RYR2: variants seen among roughly 807,000 people sequenced by gnomAD.
RYR2 encodes the protein cardiac muscle ryanodine receptor-calcium release channel.
RYR2 carries 227 observed loss-of-function variants against 601.1 expected under a neutral mutation model. That is an observed-to-expected ratio of 0.38 (90% CI 0.34 to 0.42). RYR2 has a LOEUF of 0.42. RYR2 is among the 10% of genes least tolerant of loss of function. The pLI is 1.00. For synonymous variants in RYR2, 2,223 were observed against 2,175.1 expected (o/e 1.02, Z -0.61); for missense variants, 4,646 against 6,156.5 (o/e 0.75, Z 8.21).
At position 237,102,639 on chromosome 1, in the gene RYR2, T is replaced by C. The variant is rs557360041; in HGVS notation, c.48+60070T>C. On this transcript the variant is annotated intron_variant, in intron 1 of 104. Transcript: ENST00000366574. ...GGGAGGCTGAGGAGTGTGGATCACT[T>C]GAGGTCAGGAGTTCGAGACCAGCCT... 1.9e-4 allele frequency among the ~76,000 whole-genome samples: 29 copies of C among 152,120 alleles called. No homozygotes were observed. In the South Asian group the frequency reaches 2.5e-3, roughly 13 times the overall value.
chr1:237,051,302 CTT>C (rs150694073), intron 1 of RYR2, among the ~76,000 whole-genome samples: 1 of 128,374 alleles, frequency 7.8e-6, no homozygotes, highest in African/African-American at 2.9e-5. Flanking sequence ...CTCTCTCTCT[CTT>C]TCTCTTTATC....
At chr1:237,733,140 A>G (rs929703920) in intron 78 of RYR2, among the ~76,000 whole-genome samples, 2 of 152,196 alleles carry the variant, frequency 1.3e-5, no homozygotes, top group Non-Finnish European at 2.9e-5. Flanking sequence ...CTCATGGCTG[A>G]AGTTTAAAAC....
chr1:237,220,613 C>T (rs1189270569), intron 1 of RYR2, among the ~76,000 whole-genome samples: 2 of 152,196 alleles, frequency 1.3e-5, no homozygotes, highest in Non-Finnish European at 2.9e-5. Flanking sequence ...CTGACTGATA[C>T]ACCTACGTTT....
chr1:237,732,182 A>G, intron 78 of RYR2, 33 bp downstream of exon 78: 1 of 1,340,650 alleles, frequency 7.5e-7, no homozygotes, highest in Non-Finnish European at 1.1e-6. Context: ...GAGACATAGG[A>G]GGAGCAAATA....
At chr1:237,773,262 G>C (rs1050109009) in intron 86 of RYR2, among the ~76,000 whole-genome samples, 36 of 152,146 alleles carry the variant, frequency 2.4e-4, no homozygotes, top group Non-Finnish European at 4.9e-4. Context: ...GAAGTTCAAG[G>C]TTATCAGACA....
chr1:237,594,917 T>TTTTTTTTTTTTTTTTTTTTTTTTTTTTG (rs1675707518), intron 33 of RYR2, among the ~76,000 whole-genome samples: 1 of 84,210 alleles, frequency 1.2e-5, no homozygotes, highest in African/African-American at 3.6e-5. Context: ...TTTTTTTTTT[T>TTTTTTTTTTTTTTTTTTTTTTTTTTTTG]TTTTTTTTTT....
chr1:237,623,574 A>G (rs1229000583), intron 38 of RYR2, among the ~76,000 whole-genome samples, 191 bp from the exon 39 acceptor site: 1 of 151,190 alleles, frequency 6.6e-6, no homozygotes, highest in East Asian at 1.9e-4. Context: ...TTGTATCTTT[A>G]GTAGAGATGG....
intron 46 of RYR2, among the ~76,000 whole-genome samples, chr1:237,640,607 A>G (rs1681367579): frequency 6.6e-6 from 1 of 152,122 alleles, no homozygotes; most frequent in Non-Finnish European, 1.5e-5. Flanking sequence ...ACTCACTACC[A>G]CTAGGAAGGA....
intron 12 of RYR2, among the ~76,000 whole-genome samples, chr1:237,431,595 C>T (rs1440193421): frequency 6.6e-6 from 1 of 152,080 alleles, no homozygotes; most frequent in East Asian, 1.9e-4. Context: ...GAATATTTAG[C>T]TTATTTTCAA....
At chr1:237,750,884 C>T (rs375909717) in intron 80 of RYR2, among the ~76,000 whole-genome samples, 5 of 152,172 alleles carry the variant, frequency 3.3e-5, no homozygotes, top group Non-Finnish European at 7.4e-5. Flanking sequence ...CCCAGCTAGA[C>T]AGATAATTCT....
rs187181714 is a variant in RYR2, at chr1:237,568,417, G to A, written c.3424-728G>A. ...AACTCAGGTGTGCTTATGAATCAACGGAATATACTTGTAGATGCAAAAGTC... is the reference window on the plus strand; with the variant it reads ...AACTCAGGTGTGCTTATGAATCAACAGAATATACTTGTAGATGCAAAAGTC... On this transcript the variant is annotated intron_variant, in intron 28 of 104. Coordinates refer to ENST00000366574, the MANE Select transcript of RYR2 (RefSeq NM_001035.3). Among the ~76,000 whole-genome samples the A allele has an allele frequency of 1.5e-4, 23 of 152,196 alleles. No homozygotes were observed. In the East Asian group the frequency reaches 2.9e-3, roughly 19 times the overall value.
chr1:237,167,864 C>A (rs1436502084), intron 1 of RYR2, among the ~76,000 whole-genome samples: 1 of 151,786 alleles, frequency 6.6e-6, no homozygotes, highest in Non-Finnish European at 1.5e-5. Flanking sequence ...GTAGCTGGGA[C>A]AATAGGCACA....
chr1:237,593,668 CAT>C (rs1210662777), intron 33 of RYR2, 32 bp downstream of exon 33: 27 of 1,608,946 alleles, frequency 1.7e-5, no homozygotes, highest in African/African-American at 8.0e-5. Context: ...GCAAGAATGA[CAT>C]GTGAAAAAAA....
In RYR2 at chr1:237,228,356, T is replaced by G. The variant is rs569014211; in HGVS notation, c.49-42141T>G. On this transcript the variant is annotated intron_variant, in intron 1 of 104. Transcript: ENST00000366574. ...TTCCATCATATATATATCTCACAGT[T>G]TCTTTATCCATTCTTTGATTGATGG... Among the ~76,000 whole-genome samples, 11 of 152,360 alleles carry G rather than the reference T, an allele frequency of 7.2e-5. No individual in the cohort carries two copies. The South Asian group carries it at 2.1e-3, about 29-fold the overall frequency.
At chr1:237,638,855 A>G (rs1681147844) in intron 45 of RYR2, among the ~76,000 whole-genome samples, 160 bp from the exon 46 acceptor site, 1 of 152,188 alleles carries the variant, frequency 6.6e-6, no homozygotes, top group African/African-American at 2.4e-5. Flanking sequence ...ACTGTGTCTC[A>G]TATACTTAAT....
At chr1:237,048,161 T>C (rs1483297706) in intron 1 of RYR2, among the ~76,000 whole-genome samples, 9 of 152,218 alleles carry the variant, frequency 5.9e-5, no homozygotes, top group Non-Finnish European at 1.3e-4. Flanking sequence ...CGTTTGTGGC[T>C]GTGGCTCCAG....
chr1:237,391,746 A>T (rs920174684), intron 10 of RYR2, among the ~76,000 whole-genome samples: 9 of 152,132 alleles, frequency 5.9e-5, no homozygotes, highest in Admixed American at 4.6e-4. Context: ...TTAGATATGT[A>T]TGTGTATGTG....
chr1:237,488,536 C>G lies in RYR2; in HGVS notation c.1709-3270C>G, dbSNP rs188797571. Among the ~76,000 whole-genome samples, 454 of 152,220 alleles carry G rather than the reference C, an allele frequency of 3.0e-3. 2 individuals are homozygous for G. Among genetic ancestry groups the G allele is most frequent in the African/African-American group, 0.01 (434 of 41,524 alleles). ...TAATACCATTGTCAGGCCTTTGAGC[C>G]CAAAGGCTGGATGTACACTGTGACC... is the stretch of plus-strand genomic sequence containing the variant. On this transcript the variant is annotated intron_variant, in intron 17 of 104. Coordinates refer to ENST00000366574, the MANE Select transcript of RYR2 (RefSeq NM_001035.3).
intron 3 of RYR2, among the ~76,000 whole-genome samples, chr1:237,352,609 A>G (rs527411544): frequency 1.2e-4 from 18 of 152,154 alleles, no homozygotes; most frequent in Non-Finnish European, 2.4e-4. Flanking sequence ...AGCCAGTTCT[A>G]AATGAAGAAG....
Sources: gnomAD v4.1 joint callset for allele counts (sites outside exome capture counted in the v4.1 genomes callset) on GRCh38, gnomAD v4.1.1 for gene constraint, MANE v1.5 for transcripts, NCBI Gene and HGNC (gene_info 2026-07-23, HGNC 2026-07-21) for gene names.